The following BRCA1 variants were observed in gnomAD, a reference collection of about 807,000 sequenced individuals.
BRCA1 encodes breast cancer type 1 susceptibility protein.
In BRCA1, 140 loss-of-function variants were observed where a neutral mutation model predicts 173.7. The observed-to-expected ratio is 0.81, with a 90% CI of 0.70 to 0.93. The LOEUF is 0.93. BRCA1 is among the 40% of genes least tolerant of loss of function. The pLI is 0.00. For synonymous variants in BRCA1, 662 were observed against 756.0 expected (o/e 0.88, Z 2.04); for missense variants, 1,983 against 2,172.5 (o/e 0.91, Z 1.73).
At chr17:43,057,660 C>T (rs1423954892) in intron 18 of BRCA1, among the ~76,000 whole-genome samples, 1 of 151,640 alleles carries the variant, frequency 6.6e-6, no homozygotes, top group Non-Finnish European at 1.5e-5. Flanking sequence ...ACGGTGAAAC[C>T]CCGTCTCTAC....
At chr17:43,123,349 GTTTTTTTTTTTT>G (rs149379936) in intron 2 of BRCA1, among the ~76,000 whole-genome samples, 10 of 85,166 alleles carry the variant, frequency 1.2e-4, no homozygotes, top group East Asian at 3.6e-4. Flanking sequence ...GATCATCCAT[GTTTTTTTTTTTT>G]TTTTTTTTTT....
intron 2 of BRCA1, among the ~76,000 whole-genome samples, chr17:43,122,715 C>A (rs1373550965): frequency 6.6e-6 from 1 of 151,960 alleles, no homozygotes; most frequent in Non-Finnish European, 1.5e-5. Context: ...TTGAGACCAG[C>A]ATGGCCAACA....
chr17:43,141,515 T>TTA (rs1257412584), intron 1 of BRCA1, among the ~76,000 whole-genome samples: 1 of 151,542 alleles, frequency 6.6e-6, no homozygotes, highest in African/African-American at 2.4e-5. Context: ...AAATTTTTTG[T>TTA]TATATAAAAA....
chr17:43,135,366 T>G (rs776366377), intron 1 of BRCA1, among the ~76,000 whole-genome samples: 8 of 152,244 alleles, frequency 5.3e-5, no homozygotes, highest in Non-Finnish European at 1.2e-4. Flanking sequence ...TTGGGATGGT[T>G]GATTAGGACG....
chr17:43,088,738 G>T (rs768720716), intron 11 of BRCA1, among the ~76,000 whole-genome samples: 79 of 152,114 alleles, frequency 5.2e-4, no homozygotes, highest in Non-Finnish European at 6.2e-4. Flanking sequence ...GAATCGAGGG[G>T]GTCTGAACAG....
At chr17:43,070,346 G>T (rs999970796) in intron 15 of BRCA1, among the ~76,000 whole-genome samples, 5 of 152,032 alleles carry the variant, frequency 3.3e-5, no homozygotes, top group African/African-American at 4.8e-5. Flanking sequence ...GGTTTTACTG[G>T]TCTTAATATT....
At chr17:43,168,812 A>G (rs1396730274) in intron 1 of BRCA1, among the ~76,000 whole-genome samples, 1 of 152,186 alleles carries the variant, frequency 6.6e-6, no homozygotes, top group Non-Finnish European at 1.5e-5. Flanking sequence ...AAGAAAGAGA[A>G]AGCTACAGGG....
chr17:43,168,870 G>A (rs1567838016), intron 1 of BRCA1, among the ~76,000 whole-genome samples: 1 of 152,124 alleles, frequency 6.6e-6, no homozygotes, highest in Non-Finnish European at 1.5e-5. Context: ...GCTTCTGGCT[G>A]TTTTCTTTTT....
rs1022076404 is a variant in BRCA1, at chr17:43,051,106, C to G, written c.5289G>C (p.Gly1763=). 2 of 1,613,796 alleles carry G rather than the reference C, an allele frequency of 1.2e-6. No homozygotes were observed. The highest frequency in any genetic ancestry group is 1.7e-5 in the Admixed American group (1 of 59,986). Reference sequence around the variant, plus strand: ...AGGGCCCATAGCAACAGATTTCTAGCCCCCTGAAGATCTGGAAGAAGAGAG... The same window carrying G: ...AGGGCCCATAGCAACAGATTTCTAGGCCCCTGAAGATCTGGAAGAAGAGAG... ...RESQDRKIFR[G]LEICCYGPFT... The change falls in exon 20 of 23, where the codon GGG becomes GGC. Residue 1763 remains glycine (G), a synonymous_variant. Transcript: ENST00000357654.
In BRCA1 at chr17:43,094,763, C is replaced by CCT; in HGVS notation, c.766_767dup (p.His257GlyfsTer42). ...AACTACCCTGATACTTTTCTGGATG[C>CCT]CTCTCAGCTGCACGCTTCTCAGTGG... is the stretch of plus-strand genomic sequence containing the variant. On this transcript the variant is annotated frameshift_variant, in exon 10 of 23. Transcript: ENST00000357654. LOFTEE classifies it high-confidence loss of function. The CCT allele has an allele frequency of 6.2e-7, 1 of 1,611,112 alleles. No individual in the cohort carries two copies. Among genetic ancestry groups the CCT allele is most frequent in the Non-Finnish European group, 8.5e-7 (1 of 1,178,322 alleles).
chr17:43,147,910 C>T (rs1343359231), intron 1 of BRCA1, among the ~76,000 whole-genome samples: 9 of 152,124 alleles, frequency 5.9e-5, no homozygotes, highest in Admixed American at 2.6e-4. Flanking sequence ...GGAACAGGCA[C>T]GACAAACTTT....
intron 19 of BRCA1, among the ~76,000 whole-genome samples, chr17:43,056,548 G>A (rs886636689): frequency 6.6e-6 from 1 of 152,146 alleles, no homozygotes; most frequent in Non-Finnish European, 1.5e-5. Context: ...CCAGCACTTG[G>A]GGAGGCCAAG....
At chr17:43,168,507 G>A (rs897480676) in intron 1 of BRCA1, among the ~76,000 whole-genome samples, 1 of 152,148 alleles carries the variant, frequency 6.6e-6, no homozygotes, top group Admixed American at 6.5e-5. Context: ...AGGCATGGTG[G>A]TGCATGCGTG....
chr17:43,079,069 G>A lies in BRCA1; in HGVS notation c.4358-2455C>T, dbSNP rs147065412. On this transcript the variant is annotated intron_variant, in intron 12 of 22. Coordinates refer to ENST00000357654, the MANE Select transcript of BRCA1 (RefSeq NM_007294.4). ...ACAAAAATTAGCTGGGCGTGGTGGCGGGTGCCTGTAATCCCAGCTACCCAG... is the reference window on the plus strand; with the variant it reads ...ACAAAAATTAGCTGGGCGTGGTGGCAGGTGCCTGTAATCCCAGCTACCCAG... 4.6e-3 allele frequency among the ~76,000 whole-genome samples: 706 copies of A among 152,162 alleles called. 10 individuals are homozygous for A. Among genetic ancestry groups the A allele is most frequent in the African/African-American group, 0.016 (654 of 41,520 alleles).
At chr17:43,104,357 G>T in intron 5 of BRCA1, 96 bp from the exon 6 acceptor site, 1 of 1,344,726 alleles carries the variant, frequency 7.4e-7, no homozygotes, top group Non-Finnish European at 1.0e-6. Context: ...TATGCTCTTT[G>T]TTGTGTTAAG....
rs35693790 is a variant in BRCA1 at position 43,098,661 on chromosome 17, C to CT, written c.547+1113_547+1114insA. The stretch of plus-strand genomic sequence containing the variant: ...GGATTACAGGCATGAGCCACCGCAC[C>CT]GGCCAAAAATGTATTATTATTTTAA... On this transcript the variant is annotated intron_variant, in intron 7 of 22. Transcript: ENST00000357654. 0.32 allele frequency among the ~76,000 whole-genome samples: 47,751 copies of CT among 151,490 alleles called. 7,830 individuals are homozygous for CT. The highest frequency in any genetic ancestry group is 0.49 in the South Asian group (2,368 of 4,800).
intron 1 of BRCA1, among the ~76,000 whole-genome samples, chr17:43,150,145 T>C (rs1330760509): frequency 6.6e-6 from 1 of 152,132 alleles, no homozygotes; most frequent in African/African-American, 2.4e-5. Flanking sequence ...GGTCTTGCCC[T>C]GTTGCCCTGG....
At chr17:43,105,208 T>C (rs868822168) in intron 4 of BRCA1, among the ~76,000 whole-genome samples, 38 of 152,270 alleles carry the variant, frequency 2.5e-4, no homozygotes, top group African/African-American at 8.7e-4. Context: ...CCACAGCAGA[T>C]ATAATGCATT....
chr17:43,170,240 C>G (rs1378493613), exon 1 of BRCA1: 1 of 179,198 alleles, frequency 5.6e-6, no homozygotes, highest in Non-Finnish European at 1.2e-5. Context: ...GTAATTCCCA[C>G]GCTTTACTGT....
Sources: allele counts gnomAD v4.1 joint callset (sites outside exome capture counted in the v4.1 genomes callset), GRCh38; gene constraint gnomAD v4.1.1; transcripts MANE v1.5; gene names NCBI Gene and HGNC (gene_info 2026-07-23, HGNC 2026-07-21).